Variants in EPHA10 observed in about 807,000 individuals in gnomAD.
EPHA10 encodes the protein EPH receptor A10.
EPHA10 carries 120 observed loss-of-function variants against 109.7 expected under a neutral mutation model. The observed-to-expected ratio is 1.09, with a 90% confidence interval of 0.94 to 1.27. The LOEUF (loss-of-function observed/expected upper bound fraction) is 1.27. EPHA10 is among the 50% of genes most tolerant of loss of function. The pLI, the probability that EPHA10 is intolerant of heterozygous loss-of-function variation, is 0.00. For missense variants in EPHA10, 1,396 were observed against 1,411.1 expected, an observed-to-expected ratio of 0.99 and a Z score of 0.17; for synonymous variants, 640 against 618.9, an observed-to-expected ratio of 1.03 and a Z score of -0.51.
chr1:37,720,209 CA>C, intron 13 of EPHA10, 141 bp downstream of exon 13: 2 of 1,396,424 alleles, frequency 1.4e-6, no homozygotes, highest in Non-Finnish European at 1.9e-6. Flanking sequence ...AAGCTGACCT[CA>C]AGGTGGGGTT....
chr1:37,721,108 G>A (rs545485631), intron 11 of EPHA10, among the ~76,000 whole-genome samples: 10 of 151,946 alleles, frequency 6.6e-5, no homozygotes, highest in African/African-American at 2.4e-4. Flanking sequence ...ATATTCTAGG[G>A]GACCTATCAC....
Position 37,764,893 on chromosome 1 carries a change from A to C in EPHA10, c.106+68T>G. 1.4e-6 allele frequency: 2 copies of C among 1,413,362 alleles called. No individual in the cohort carries two copies. The highest frequency in any genetic ancestry group is 2.0e-5 in the Admixed American group (1 of 49,304). The allele number at this position is 1,413,362 out of a possible 1,614,324, so 87.6% of individuals were successfully genotyped here. On this transcript the variant is annotated intron_variant, in intron 1 of 16. Transcript: ENST00000373048. This position sits in a 1 kb window ranked among gnomAD's most constrained non-coding sequence, Gnocchi z 5.8. ...TCTCTCCAATGACTCCTTCCCCCAG[A>C]ACCCCCATCGCCAGCCCCCTATCTT...
At chr1:37,728,005 T>C (rs1270949078) in intron 7 of EPHA10, among the ~76,000 whole-genome samples, 4 of 151,970 alleles carry the variant, frequency 2.6e-5, no homozygotes, top group Admixed American at 2.6e-4. Context: ...ATCTTAACTG[T>C]AGAATGAAAA....
At chr1:37,763,923 T>G (rs1007316494) in intron 1 of EPHA10, among the ~76,000 whole-genome samples, 1 of 152,186 alleles carries the variant, frequency 6.6e-6, no homozygotes, top group Non-Finnish European at 1.5e-5. Flanking sequence ...TGAAAGAATG[T>G]CTGGGGTTCT....
intron 5 of EPHA10, among the ~76,000 whole-genome samples, chr1:37,741,783 T>C (rs1187228932): frequency 6.6e-6 from 1 of 151,110 alleles, no homozygotes; most frequent in African/African-American, 2.4e-5. Context: ...GCCAAGTCTT[T>C]GTCAAGTGGA....
chr1:37,721,821 C>T lies in EPHA10; in HGVS notation c.1985G>A (p.Gly662Asp), dbSNP rs1645803044. Residue 662 changes from glycine (G) to aspartate (D), a missense_variant, in exon 11 of 17, where the codon GGC becomes GAC. Transcript: ENST00000373048. ...CTGGCGACCGGGGAGCTGCAAGCAG[C>T]CACAGCACAGCTCCCCAAACCGCCC... ...GGGRFGELCCGCLQLPGRQEL... is the reference protein window; with the variant it reads ...GGGRFGELCCDCLQLPGRQEL... The T allele has an allele frequency of 3.1e-6, 5 of 1,606,354 alleles. No individual in the cohort carries two copies. Among genetic ancestry groups the T allele is most frequent in the Non-Finnish European group, 4.3e-6 (5 of 1,176,198 alleles).
intron 3 of EPHA10, chr1:37,760,657 G>C: frequency 9.1e-6 from 2 of 218,866 alleles, no homozygotes; most frequent in Admixed American, 1.2e-4. Flanking sequence ...GCACTGAGGA[G>C]ACCTCATGAT....
At chr1:37,732,816 A>G (rs1300648222) in intron 6 of EPHA10, among the ~76,000 whole-genome samples, 1 of 138,822 alleles carries the variant, frequency 7.2e-6, no homozygotes, top group African/African-American at 2.7e-5. Flanking sequence ...AGCAGGCTCC[A>G]TGAGAGTACA....
chr1:37,722,684 C>T, intron 10 of EPHA10: 1 of 387,900 alleles, frequency 2.6e-6, no homozygotes, highest in South Asian at 2.1e-5. Context: ...TGCAGCGGGT[C>T]AGTGGGAGAG....
Position 37,761,579 on chromosome 1 carries a change from C to T in EPHA10, c.676G>A (p.Ala226Thr), listed in dbSNP as rs1268204836. Reference protein sequence around the residue: ...RGLATFPATAAESAFSTLVEV... With the variant: ...RGLATFPATATESAFSTLVEV... ...ACCAGTGTGGAGAAGGCGCTCTCGG[C>T]TGCGGTGGCTGGGAACGTGGCCAGG... Residue 226 changes from alanine (A) to threonine (T), a missense_variant, in exon 3 of 17, where the codon GCC (alanine) becomes ACC (threonine). Transcript: ENST00000373048. The T allele has an allele frequency of 6.3e-7, 1 of 1,598,686 alleles. No individual in the cohort carries two copies. The highest frequency in any genetic ancestry group is 1.1e-5 in the South Asian group (1 of 90,576).
At chr1:37,719,153 G>C in intron 15 of EPHA10, 1 of 596,774 alleles carries the variant, frequency 1.7e-6, no homozygotes, top group Non-Finnish European at 3.0e-6. Flanking sequence ...ATGTGTTAGG[G>C]CTATTACCAC....
rs889861284 is a variant in EPHA10 at position 37,754,065 on chromosome 1, G to T, written c.1006+150C>A. ...GGGCGCGTCCAGGCTCCGCTCCCCC[G>T]TACGCCGCCTTCCGGGGCGCTGGCC... is the stretch of plus-strand genomic sequence containing the variant. On this transcript the variant is annotated intron_variant, in intron 4 of 16. Transcript: ENST00000373048. The surrounding 1 kb of genome is among the most constrained non-coding windows in gnomAD (Gnocchi z 4.5). 4 of 913,106 alleles carry T rather than the reference G, an allele frequency of 4.4e-6. No homozygotes were observed. Among genetic ancestry groups the T allele is most frequent in the Non-Finnish European group, 5.8e-6 (4 of 695,292 alleles). 56.6% of individuals were successfully genotyped at this position (913,106 alleles called of 1,614,324 possible).
chr1:37,719,339 G>T, intron 15 of EPHA10, 75 bp downstream of exon 15: 1 of 1,516,402 alleles, frequency 6.6e-7, no homozygotes, highest in South Asian at 1.2e-5. Flanking sequence ...TGGAGGCGGT[G>T]GGTTTGCACT....
intron 8 of EPHA10, among the ~76,000 whole-genome samples, chr1:37,726,730 T>C (rs1051520142): frequency 6.6e-6 from 1 of 152,210 alleles, no homozygotes; most frequent in African/African-American, 2.4e-5. Context: ...TTCCCCCTTT[T>C]CCTGTGTTCG....
intron 5 of EPHA10, among the ~76,000 whole-genome samples, chr1:37,739,474 A>C (rs1646120706): frequency 6.6e-6 from 1 of 152,320 alleles, no homozygotes; most frequent in East Asian, 1.9e-4. Flanking sequence ...AGATCACTTG[A>C]GGCCAGGAAT....
Position 37,765,071 on chromosome 1 carries a change from C to A in EPHA10, c.-5G>T. On this transcript the variant is annotated 5_prime_UTR_variant, in exon 1 of 17. Transcript: ENST00000373048. ...TGGACCGGCGCAGGTCTCCATGGTC[C>A]GCAGACCGAGCTGTCAGTCCGGCGG... is the stretch of plus-strand genomic sequence containing the variant. The A allele has an allele frequency of 6.3e-7, 1 of 1,589,270 alleles. No individual in the cohort carries two copies. Among genetic ancestry groups the A allele is most frequent in the Non-Finnish European group, 8.5e-7 (1 of 1,171,380 alleles).
Position 37,743,743 on chromosome 1 carries a change from T to C in EPHA10, c.1358-8353A>G, listed in dbSNP as rs1321511023. Among the ~76,000 whole-genome samples the C allele has an allele frequency of 2.0e-5, 3 of 152,346 alleles. No individual in the cohort carries two copies. In the South Asian group the frequency reaches 6.2e-4, roughly 32 times the overall value. On this transcript the variant is annotated intron_variant, in intron 5 of 16. Transcript: ENST00000373048. Reference sequence around the variant, plus strand: ...CACCTGTAGGCTAATGTAAGTGTTCTGGGCATGTTTAAAGTAGGCTAGGCT... The same window carrying C: ...CACCTGTAGGCTAATGTAAGTGTTCCGGGCATGTTTAAAGTAGGCTAGGCT...
In EPHA10 at chr1:37,753,000, C is replaced by A. The variant is rs1012998410; in HGVS notation, c.1233G>T (p.Thr411=). The A allele has an allele frequency of 7.3e-6, 9 of 1,232,104 alleles. No homozygotes were observed. In the African/African-American group the frequency reaches 1.4e-4, roughly 20 times the overall value. The allele number at this position is 1,232,104 out of a possible 1,614,324, so 76.3% of individuals were successfully genotyped here. Residue 411 remains threonine (T), a synonymous_variant, in exon 5 of 17, where the codon ACG becomes ACT. Transcript: ENST00000373048. ...GCGCGCCGGGCCGCAGGTGCAGCAG[C>A]GTGGCGGCTCGCTCCCGCAGCCCTG... is the stretch of plus-strand genomic sequence containing the variant. ...RQAGLRERAA[T]LLHLRPGARY... is the part of the protein sequence containing the mutation.
At chr1:37,752,396 C>G (rs1646341259) in intron 5 of EPHA10, among the ~76,000 whole-genome samples, 1 of 152,092 alleles carries the variant, frequency 6.6e-6, no homozygotes, top group Non-Finnish European at 1.5e-5. Context: ...GTAAGGGACA[C>G]AGGGCCGGAT....
Sources: allele counts gnomAD v4.1 joint callset (sites outside exome capture counted in the v4.1 genomes callset), GRCh38; gene constraint gnomAD v4.1.1; non-coding constraint Gnocchi (gnomAD v3.1); transcripts MANE v1.5; gene names NCBI Gene and HGNC (gene_info 2026-07-23, HGNC 2026-07-21).